IRAK4: variants seen among roughly 807,000 people sequenced by gnomAD.
IRAK4 encodes the protein interleukin 1 receptor associated kinase 4, also known as interleukin-1 receptor-associated kinase 4.
In IRAK4, 44 loss-of-function variants were observed where a neutral mutation model predicts 51.8. That is an observed-to-expected ratio of 0.85 (90% CI 0.67 to 1.09). The LOEUF is 1.09. Among genes scored for constraint, IRAK4 ranks in the 50% least tolerant of loss-of-function variants. The probability of loss-of-function intolerance (pLI) is 0.00; values close to 1 mark genes in which losing one functional copy is unlikely to be tolerated. For missense variants in IRAK4, 487 were observed against 538.0 expected (o/e 0.91, Z 0.94); for synonymous variants, 149 against 174.1 (o/e 0.86, Z 1.13).
At chr12:43,772,809 A>G in intron 4 of IRAK4, 103 bp from the exon 5 acceptor site, 1 of 848,396 alleles carries the variant, frequency 1.2e-6, no homozygotes, top group Admixed American at 2.7e-5. Flanking sequence ...CTAATTCAAA[A>G]TCATAAATAT....
At chr12:43,773,520 C>G (rs1049113409) in intron 5 of IRAK4, among the ~76,000 whole-genome samples, 1 of 151,746 alleles carries the variant, frequency 6.6e-6, no homozygotes, top group South Asian at 2.1e-4. Context: ...AGGTGTTTAC[C>G]TTTTACTTAC....
intron 10 of IRAK4, among the ~76,000 whole-genome samples, chr12:43,785,710 G>A (rs4251538): frequency 0.061 from 9,229 of 150,656 alleles, 290 homozygotes; most frequent in Middle Eastern, 0.13. Flanking sequence ...GAAATGTGTT[G>A]TTAGGCAGTT....
rs2138102385 is a variant in IRAK4, at chr12:43,788,486, C to A, written c.*1771C>A. 1 of 152,376 alleles carries A rather than the reference C, an allele frequency of 6.6e-6. No individual in the cohort carries two copies. Among genetic ancestry groups the A allele is most frequent in the South Asian group, 2.1e-4 (1 of 4,826 alleles). 9.4% of individuals were successfully genotyped at this position (152,376 alleles called of 1,614,324 possible). A position where few individuals can be genotyped will look rare whatever the true frequency, so the allele number is the denominator to read the frequency against. ...CTGCCCACGGCCTCGAGGGCCCACC[C>A]CTTGCACCAGTGTGCCAGGATGTGG... On this transcript the variant is annotated 3_prime_UTR_variant, in exon 12 of 12. Transcript: ENST00000613694.
intron 6 of IRAK4, 53 bp from the exon 7 acceptor site, chr12:43,777,577 A>G: frequency 6.7e-7 from 1 of 1,500,354 alleles, no homozygotes; most frequent in Non-Finnish European, 9.0e-7. Flanking sequence ...TCCAACCTAT[A>G]GCTGAATATA....
intron 10 of IRAK4, among the ~76,000 whole-genome samples, chr12:43,784,433 C>T (rs1324306547): frequency 2.6e-5 from 4 of 152,166 alleles, no homozygotes; most frequent in African/African-American, 9.7e-5. Flanking sequence ...CCAAGACTGC[C>T]ATCCCACCAG....
intron 2 of IRAK4, chr12:43,770,973 C>CTTTTT: frequency 1.6e-6 from 1 of 623,906 alleles, no homozygotes; most frequent in Non-Finnish European, 2.9e-6. Context: ...CTCTCTCTCT[C>CTTTTT]TTTTTTTTTC....
In IRAK4 at chr12:43,772,982, T is replaced by C. The variant is rs137949295; in HGVS notation, c.561T>C (p.Val187=). The C allele has an allele frequency of 1.6e-5, 25 of 1,612,132 alleles. No homozygotes were observed. The African/African-American group carries it at 3.2e-4, about 21-fold the overall frequency. ...ACTTTGATGAACGACCCATTTCTGT[T>C]GGTGGTAATAAAATGGGAGAGGGAG... ...TNNFDERPIS[V]GGNKMGEGGF... Residue 187 remains valine (V), a synonymous_variant, in exon 5 of 12, where the codon GTT becomes GTC. Transcript: ENST00000613694.
intron 3 of IRAK4, 25 bp downstream of exon 3, chr12:43,771,390 C>A (rs1170301492): frequency 6.2e-7 from 1 of 1,612,054 alleles, no homozygotes; most frequent in East Asian, 2.2e-5. Context: ...ACCAGGGTGT[C>A]CACAATTAGG....
intron 8 of IRAK4, among the ~76,000 whole-genome samples, chr12:43,781,845 C>T (rs925252345): frequency 6.6e-6 from 1 of 151,862 alleles, no homozygotes. Context: ...CCAGATAGTA[C>T]AGAACAAAAG....
intron 1 of IRAK4, among the ~76,000 whole-genome samples, chr12:43,760,197 A>ATGCCAAAAACCTTGG (rs4251427): frequency 0.22 from 33,863 of 152,070 alleles, 6,231 homozygotes; most frequent in African/African-American, 0.51. Flanking sequence ...AAACTTGGTT[A>ATGCCAAAAACCTTGG]TGCTGTCTTC....
chr12:43,771,410 C>T (rs1940749351), intron 3 of IRAK4, 45 bp downstream of exon 3: 1 of 1,587,620 alleles, frequency 6.3e-7, no homozygotes, highest in Middle Eastern at 1.7e-4. Flanking sequence ...GGTGGAAAGA[C>T]AAATGGCAGA....
At chr12:43,779,608 G>A (rs1210408695) in intron 8 of IRAK4, among the ~76,000 whole-genome samples, 1 of 152,160 alleles carries the variant, frequency 6.6e-6, no homozygotes, top group East Asian at 1.9e-4. Context: ...TGGCTATGCA[G>A]GGGTTCAGGA....
intron 9 of IRAK4, among the ~76,000 whole-genome samples, chr12:43,783,000 A>G (rs1323562345): frequency 1.3e-5 from 2 of 152,188 alleles, no homozygotes; most frequent in African/African-American, 4.8e-5. Flanking sequence ...TATTCTCCTA[A>G]GAGCCAGAGT....
chr12:43,771,283 C>T lies in IRAK4; in HGVS notation c.225C>T (p.Gly75=). ...SPTSELLFDW[G]TTNCTVGDLV... ...CTTCTGAATTACTGTTTGACTGGGG[C>T]ACCACAAATTGCACAGTTGGTGATC... is the stretch of plus-strand genomic sequence containing the variant. The change falls in exon 3 of 12, where the codon GGC becomes GGT. Residue 75 remains glycine (G), a synonymous_variant. Transcript: ENST00000613694. The T allele has an allele frequency of 6.2e-7, 1 of 1,613,846 alleles. No individual in the cohort carries two copies. Among genetic ancestry groups the T allele is most frequent in the Non-Finnish European group, 8.5e-7 (1 of 1,179,752 alleles).
intron 1 of IRAK4, among the ~76,000 whole-genome samples, chr12:43,761,146 C>T (rs1261297009): frequency 6.6e-6 from 1 of 152,044 alleles, no homozygotes; most frequent in Non-Finnish European, 1.5e-5. Flanking sequence ...CTCTGGAAGC[C>T]CTCACCAGCT....
intron 9 of IRAK4, 99 bp from the exon 10 acceptor site, chr12:43,783,563 C>T (rs1941961751): frequency 1.3e-6 from 1 of 748,722 alleles, no homozygotes; most frequent in Non-Finnish European, 2.3e-6. Flanking sequence ...TCAAGTTATC[C>T]TCCCACATCT....
chr12:43,763,235 A>G (rs900383638), intron 1 of IRAK4: 3 of 152,302 alleles, frequency 2.0e-5, no homozygotes, highest in East Asian at 1.9e-4. Context: ...TCAAAGAGAA[A>G]TATCTACTAC....
chr12:43,788,215 G>A lies in IRAK4; in HGVS notation c.*1500G>A, dbSNP rs1473429894. ...TTTTGCCCACATTTGAGGGGTATGT[G>A]GAAATTATACAGAGCATGTACAGCG... On this transcript the variant is annotated 3_prime_UTR_variant, in exon 12 of 12. Coordinates refer to ENST00000613694, the MANE Select transcript of IRAK4 (RefSeq NM_016123.4). 6.6e-6 allele frequency: 1 copy of A among 152,220 alleles called. No individual in the cohort carries two copies. The highest frequency in any genetic ancestry group is 6.5e-5 in the Admixed American group (1 of 15,282). The allele number at this position is 152,220 out of a possible 1,614,324, so 9.4% of individuals were successfully genotyped here.
chr12:43,778,252 T>C lies in IRAK4; in HGVS notation c.891T>C (p.Asn297=). 1 of 1,611,466 alleles carries C rather than the reference T, an allele frequency of 6.2e-7. No individual in the cohort carries two copies. The highest frequency in any genetic ancestry group is 8.5e-7 in the Non-Finnish European group (1 of 1,177,642). The change falls in exon 8 of 12, where the codon AAT becomes AAC. Residue 297 remains asparagine (N), a synonymous_variant. Coordinates refer to ENST00000613694, the MANE Select transcript of IRAK4 (RefSeq NM_016123.4). ...MRCKIAQGAA[N]GINFLHENHH... ...GCAAGATTGCTCAGGGTGCAGCTAA[T>C]GGCATCAATTTTCTACATGAAAATC...
Sources: allele counts gnomAD v4.1 joint callset (sites outside exome capture counted in the v4.1 genomes callset), GRCh38; gene constraint gnomAD v4.1.1; transcripts MANE v1.5; gene names NCBI Gene and HGNC (gene_info 2026-07-23, HGNC 2026-07-21).